ITPK1: variants seen among roughly 807,000 people sequenced by gnomAD.
The protein encoded by ITPK1 is inositol 1,3,4-trisphosphate 5/6-kinase.
A neutral mutation model predicts 45.3 loss-of-function variants in ITPK1; 21 were observed. That is an observed-to-expected ratio of 0.46 (90% CI 0.33 to 0.67). The LOEUF is 0.67. Among genes scored for constraint, ITPK1 ranks in the 30% least tolerant of loss-of-function variants. The probability of loss-of-function intolerance (pLI) is 0.02; values close to 1 mark genes in which losing one functional copy is unlikely to be tolerated. For missense variants in ITPK1, 474 were observed against 573.5 expected (o/e 0.83, Z 1.77); for synonymous variants, 258 against 253.6 (o/e 1.02, Z -0.16).
At chr14:93,041,211 G>A (rs1354783687) in intron 3 of ITPK1, among the ~76,000 whole-genome samples, 1 of 152,174 alleles carries the variant, frequency 6.6e-6, no homozygotes, top group Non-Finnish European at 1.5e-5. Context: ...TATAAGGCAA[G>A]GGCCAGGCTT....
chr14:93,078,506 G>C (rs1664972041), intron 2 of ITPK1, among the ~76,000 whole-genome samples: 1 of 152,180 alleles, frequency 6.6e-6, no homozygotes, highest in Admixed American at 6.5e-5. Context: ...AATCCAGTTT[G>C]AGAACCACCC....
chr14:92,937,954 A>AGTTTGTTT lies in ITPK1; in HGVS notation c.*3599_*3606dup, dbSNP rs149828423. 6.4e-6 allele frequency: 1 copy of AGTTTGTTT among 156,572 alleles called. No homozygotes were observed. The allele number at this position is 156,572 out of a possible 1,614,324, so 9.7% of individuals were successfully genotyped here. On this transcript the variant is annotated 3_prime_UTR_variant, in exon 11 of 11. Coordinates refer to ENST00000267615, the MANE Select transcript of ITPK1 (RefSeq NM_014216.6). ...GGGATCCCACCGGGTGAATGATCAG[A>AGTTTGTTT]GTTTGTTTGTTTGTTTGTTTGTTTT...
Position 92,941,277 on chromosome 14 carries a change from A to G in ITPK1, c.*284T>C, listed in dbSNP as rs1481103668. 3 of 1,384,406 alleles carry G rather than the reference A, an allele frequency of 2.2e-6. No homozygotes were observed. The highest frequency in any genetic ancestry group is 1.9e-6 in the Non-Finnish European group (2 of 1,073,562). The allele number at this position is 1,384,406 out of a possible 1,614,324, so 85.8% of individuals were successfully genotyped here. On this transcript the variant is annotated 3_prime_UTR_variant, in exon 11 of 11. Transcript: ENST00000267615. ...TACGCACACCCCTCACCTCCCATCC[A>G]GACCTAGTGTTGCAAACACAAGCGT...
At chr14:92,950,888 C>G (rs1887926587) in intron 9 of ITPK1, among the ~76,000 whole-genome samples, 1 of 152,246 alleles carries the variant, frequency 6.6e-6, no homozygotes, top group South Asian at 2.1e-4. Context: ...GGACATGTGT[C>G]AACATCCTGA....
In ITPK1 at chr14:93,033,243, G is replaced by A. The variant is rs983078420; in HGVS notation, c.121-16442C>T. On this transcript the variant is annotated intron_variant, in intron 3 of 10. Transcript: ENST00000267615. ...GGGACAGGGTCAAGGGAGGTTTCCTGGGGTGGGTGATGTTAAGATAAACCA... is the reference window on the plus strand; with the variant it reads ...GGGACAGGGTCAAGGGAGGTTTCCTAGGGTGGGTGATGTTAAGATAAACCA... Among the ~76,000 whole-genome samples the A allele has an allele frequency of 7.9e-5, 12 of 152,340 alleles. 1 individual carries two copies. Among genetic ancestry groups the A allele is most frequent in the African/African-American group, 2.9e-4 (12 of 41,578 alleles).
At chr14:93,079,668 C>A (rs1448309164) in intron 2 of ITPK1, among the ~76,000 whole-genome samples, 1 of 152,212 alleles carries the variant, frequency 6.6e-6, no homozygotes. Context: ...AACAACCTGT[C>A]GGGGCTCATT....
Position 93,063,785 on chromosome 14 carries a change from C to A in ITPK1, c.120+12810G>T, listed in dbSNP as rs907224349. The stretch of plus-strand genomic sequence containing the variant: ...CAAGCCCACCTGTGTGAGCCTCAGT[C>A]CTCTCACCTGGCAAGTGGGGCACTA... On this transcript the variant is annotated intron_variant, in intron 3 of 10. Coordinates refer to ENST00000267615, the MANE Select transcript of ITPK1 (RefSeq NM_014216.6). The surrounding 1 kb of genome is among the most constrained non-coding windows in gnomAD (Gnocchi z 4.3). Among the ~76,000 whole-genome samples the A allele has an allele frequency of 3.9e-5, 6 of 152,198 alleles. No individual in the cohort carries two copies. Among genetic ancestry groups the A allele is most frequent in the Admixed American group, 6.5e-5 (1 of 15,290 alleles).
chr14:92,944,104 C>T (rs1243716905), intron 10 of ITPK1, among the ~76,000 whole-genome samples: 2 of 152,192 alleles, frequency 1.3e-5, no homozygotes, highest in African/African-American at 4.8e-5. Flanking sequence ...GTCATCAGCG[C>T]TTGCAGCTGT....
At chr14:93,059,951 C>T (rs1313616228) in intron 3 of ITPK1, among the ~76,000 whole-genome samples, 2 of 151,892 alleles carry the variant, frequency 1.3e-5, no homozygotes, top group Admixed American at 1.3e-4. Flanking sequence ...CCCATCCACA[C>T]TGCCTGGCTC....
intron 3 of ITPK1, among the ~76,000 whole-genome samples, chr14:93,035,658 G>GGAGGCAGTGGTCTAC: frequency 6.6e-6 from 1 of 152,224 alleles, no homozygotes; most frequent in South Asian, 2.1e-4. Context: ...CTGGTGAGTG[G>GGAGGCAGTGGTCTAC]GAGGCAGTGG....
chr14:92,985,264 A>T (rs535555134), intron 5 of ITPK1, among the ~76,000 whole-genome samples: 12 of 152,260 alleles, frequency 7.9e-5, no homozygotes, highest in Admixed American at 7.8e-4. Context: ...TGGACTAAAA[A>T]ATGGGTATTA....
chr14:93,029,665 A>T (rs1261585925), intron 3 of ITPK1, among the ~76,000 whole-genome samples: 4 of 152,144 alleles, frequency 2.6e-5, no homozygotes, highest in Non-Finnish European at 4.4e-5. Context: ...GACAACAAGC[A>T]CACAAGGCAG....
In ITPK1 at chr14:92,941,509, C is replaced by T; in HGVS notation, c.*52G>A. On this transcript the variant is annotated 3_prime_UTR_variant, in exon 11 of 11. Transcript: ENST00000267615. ...GCATCGCCGTTGGGAGCTGCTGGCC[C>T]AGCGGGTGTGCTCTGCGCCCTGCGC... is the stretch of plus-strand genomic sequence containing the variant. The T allele has an allele frequency of 2.0e-6, 3 of 1,463,458 alleles. No individual in the cohort carries two copies. Among genetic ancestry groups the T allele is most frequent in the Non-Finnish European group, 2.7e-6 (3 of 1,114,978 alleles). 90.7% of individuals were successfully genotyped at this position (1,463,458 alleles called of 1,614,324 possible).
chr14:93,105,010 A>G (rs1354265167), intron 2 of ITPK1, among the ~76,000 whole-genome samples: 1 of 152,172 alleles, frequency 6.6e-6, no homozygotes, highest in Non-Finnish European at 1.5e-5. Flanking sequence ...TCCTTTCTAT[A>G]CACTCCGGGC....
At chr14:93,022,104 C>A (rs1888500077) in intron 3 of ITPK1, among the ~76,000 whole-genome samples, 2 of 152,196 alleles carry the variant, frequency 1.3e-5, no homozygotes, top group South Asian at 4.1e-4. Context: ...TCAGCAAGCA[C>A]AGCTCCTTAA....
At chr14:93,026,098 G>A (rs889072593) in intron 3 of ITPK1, among the ~76,000 whole-genome samples, 2 of 152,160 alleles carry the variant, frequency 1.3e-5, no homozygotes, top group African/African-American at 4.8e-5. Flanking sequence ...GTGACAGAGT[G>A]AGGCCCTGTC....
intron 3 of ITPK1, among the ~76,000 whole-genome samples, chr14:93,057,141 T>C (rs759411444): frequency 1.3e-5 from 2 of 152,172 alleles, no homozygotes; most frequent in Non-Finnish European, 2.9e-5. Context: ...CACAGGCGAC[T>C]TGCCCAGAGC....
intron 2 of ITPK1, among the ~76,000 whole-genome samples, chr14:93,087,214 C>T (rs1160653907): frequency 6.6e-6 from 1 of 152,252 alleles, no homozygotes; most frequent in Non-Finnish European, 1.5e-5. Context: ...AAAGGCTGTC[C>T]ACATTCCTTG....
chr14:93,098,974 G>A (rs1892199721), intron 2 of ITPK1, among the ~76,000 whole-genome samples: 1 of 152,272 alleles, frequency 6.6e-6, no homozygotes, highest in South Asian at 2.1e-4. Flanking sequence ...TCTAACCAGG[G>A]CCTGTCACCC....
Sources: allele counts gnomAD v4.1 joint callset (sites outside exome capture counted in the v4.1 genomes callset), GRCh38; gene constraint gnomAD v4.1.1; non-coding constraint Gnocchi (gnomAD v3.1); transcripts MANE v1.5; gene names NCBI Gene and HGNC (gene_info 2026-07-23, HGNC 2026-07-21).